Variants in DDB1 observed in about 807,000 individuals in gnomAD.
DDB1 encodes the protein damage specific DNA binding protein 1.
DDB1 carries 18 observed loss-of-function variants against 133.1 expected under a neutral mutation model. The ratio of observed to expected loss-of-function variants is 0.14; its 90% CI spans 0.09 to 0.20. The LOEUF is 0.20. Among genes scored for constraint, DDB1 ranks in the 10% least tolerant of loss-of-function variants. The probability of loss-of-function intolerance (pLI) is 1.00; values close to 1 mark genes in which losing one functional copy is unlikely to be tolerated. For missense variants in DDB1, 828 were observed against 1,459.2 expected, an observed-to-expected ratio of 0.57 and a Z score of 7.05; for synonymous variants, 580 against 550.5, an observed-to-expected ratio of 1.05 and a Z score of -0.75.
intron 2 of DDB1, among the ~76,000 whole-genome samples, chr11:61,331,059 C>G (rs1024988851): frequency 6.6e-6 from 1 of 152,138 alleles, no homozygotes; most frequent in East Asian, 1.9e-4. Context: ...CTGAAAGGTG[C>G]CTTAAGTGGC....
intron 10 of DDB1, among the ~76,000 whole-genome samples, chr11:61,320,952 T>C (rs1181195271): frequency 6.6e-6 from 1 of 151,990 alleles, no homozygotes; most frequent in Non-Finnish European, 1.5e-5. Context: ...GGCACAATCA[T>C]GGCTCTCTAC....
chr11:61,306,069 C>T (rs1442310367), intron 21 of DDB1, among the ~76,000 whole-genome samples: 1 of 152,204 alleles, frequency 6.6e-6, no homozygotes, highest in East Asian at 1.9e-4. Flanking sequence ...GAATGACATA[C>T]ATCGCTCATA....
intron 8 of DDB1, 188 bp from the exon 9 acceptor site, chr11:61,322,600 A>C (rs757086005): frequency 1.3e-4 from 75 of 586,570 alleles, no homozygotes; most frequent in Non-Finnish European, 2.0e-4. Context: ...GTGACCCATT[A>C]ATCAGCCAAG....
chr11:61,314,568 TA>T, intron 12 of DDB1, 82 bp from the exon 13 acceptor site: 1 of 1,364,894 alleles, frequency 7.3e-7, no homozygotes. Flanking sequence ...AATGCAGCCC[TA>T]ATAGAGCCCT....
At chr11:61,318,113 T>C (rs556465534) in intron 10 of DDB1, among the ~76,000 whole-genome samples, 3 of 152,356 alleles carry the variant, frequency 2.0e-5, no homozygotes, top group South Asian at 2.1e-4. Flanking sequence ...CATGCACTAT[T>C]TGGCACCTTG....
At chr11:61,301,076 A>AT (rs1396556897) in intron 25 of DDB1, 144 bp from the exon 26 acceptor site, 38 of 1,238,536 alleles carry the variant, frequency 3.1e-5, no homozygotes, top group Non-Finnish European at 3.9e-5. Flanking sequence ...TTATTTGGAC[A>AT]TTTTTGGAAT....
chr11:61,311,960 A>C, intron 17 of DDB1, 29 bp downstream of exon 17: 1 of 1,613,754 alleles, frequency 6.2e-7, no homozygotes, highest in Non-Finnish European at 8.5e-7. Context: ...ACCAACCCCC[A>C]CTTCCCACTC....
Position 61,300,039 on chromosome 11 carries a change from G to A in DDB1, c.*97C>T, listed in dbSNP as rs1855765666. On this transcript the variant is annotated 3_prime_UTR_variant, in exon 27 of 27. Coordinates refer to ENST00000301764, the MANE Select transcript of DDB1 (RefSeq NM_001923.5). ...TCTGGGGGCAGCTGGCTTAGGGAAAGGCCTCCCATGGCCAAGAAGACGATG... is the reference window on the plus strand; with the variant it reads ...TCTGGGGGCAGCTGGCTTAGGGAAAAGCCTCCCATGGCCAAGAAGACGATG... 2 of 1,254,334 alleles carry A rather than the reference G, an allele frequency of 1.6e-6. No homozygotes were observed. The highest frequency in any genetic ancestry group is 4.7e-5 in the East Asian group (2 of 42,616). The allele number at this position is 1,254,334 out of a possible 1,614,324, so 77.7% of individuals were successfully genotyped here.
rs1322860256 is a variant in DDB1, at chr11:61,331,457, AAAAT to A, written c.210+82_210+85del. On this transcript the variant is annotated intron_variant, in intron 2 of 26. Coordinates refer to ENST00000301764, the MANE Select transcript of DDB1 (RefSeq NM_001923.5). ...ACACTGTGAGACCCCCGTCTCAAAG[AAAAT>A]AAATAAACAAACAAAAATAACATAA... 20 of 1,551,812 alleles carry A rather than the reference AAAAT, an allele frequency of 1.3e-5. 1 individual carries two copies. The highest frequency in any genetic ancestry group is 6.9e-5 in the African/African-American group (5 of 72,254).
intron 5 of DDB1, 167 bp from the exon 6 acceptor site, chr11:61,325,875 A>G (rs1196772949): frequency 2.9e-6 from 2 of 691,008 alleles, no homozygotes; most frequent in African/African-American, 3.5e-5. Flanking sequence ...AGACTCTTAG[A>G]ATTTGTTAAC....
chr11:61,300,067 G>A lies in DDB1; in HGVS notation c.*69C>T. ...CTCCCATGGCCAAGAAGACGATGGT[G>A]GAGAGGAGGGGGAGGGCAGCAGGGC... On this transcript the variant is annotated 3_prime_UTR_variant, in exon 27 of 27. Coordinates refer to ENST00000301764, the MANE Select transcript of DDB1 (RefSeq NM_001923.5). 1.3e-6 allele frequency: 2 copies of A among 1,509,818 alleles called. No homozygotes were observed. Among genetic ancestry groups the A allele is most frequent in the South Asian group, 1.1e-5 (1 of 88,674 alleles). 93.5% of individuals were successfully genotyped at this position (1,509,818 alleles called of 1,614,324 possible). A position where few individuals can be genotyped will look rare whatever the true frequency, so the allele number is the denominator to read the frequency against.
At chr11:61,312,531 C>CA in intron 16 of DDB1, among the ~76,000 whole-genome samples, 1 of 133,052 alleles carries the variant, frequency 7.5e-6, no homozygotes, top group Non-Finnish European at 1.6e-5. Context: ...TTTTTTGAGA[C>CA]AGAGTCTCAG....
At chr11:61,308,776 AAACACATGG>A (rs1345311580) in intron 21 of DDB1, among the ~76,000 whole-genome samples, 198 bp downstream of exon 21, 5 of 152,188 alleles carry the variant, frequency 3.3e-5, no homozygotes, top group African/African-American at 1.2e-4. Context: ...TCAGGATCTG[AAACACATGG>A]GGGTTCACGT....
intron 18 of DDB1, among the ~76,000 whole-genome samples, chr11:61,311,520 CA>C (rs751505994): frequency 5.9e-5 from 9 of 152,010 alleles, no homozygotes; most frequent in Non-Finnish European, 1.3e-4. Context: ...TCTATTCGAC[CA>C]CTCTACAAAG....
intron 12 of DDB1, chr11:61,316,048 A>G: frequency 2.3e-6 from 1 of 432,500 alleles, no homozygotes. Flanking sequence ...GAGTCTATAA[A>G]AGAAAATGTA....
intron 4 of DDB1, 54 bp from the exon 5 acceptor site, chr11:61,326,947 G>T: frequency 7.4e-7 from 1 of 1,350,100 alleles, no homozygotes; most frequent in Non-Finnish European, 1.1e-6. Flanking sequence ...CCTTGGGCTA[G>T]AGAGAGGTGC....
rs938732097 is a variant in DDB1 at position 61,316,675 on chromosome 11, A to G, written c.1226-108T>C. ...AGTGGCTCATGCCTATAATCTCAAC[A>G]CTTGGGAAGGCAGAGGCAGGAGGAC... is the stretch of plus-strand genomic sequence containing the variant. On this transcript the variant is annotated intron_variant, in intron 10 of 26. Coordinates refer to ENST00000301764, the MANE Select transcript of DDB1 (RefSeq NM_001923.5). 5.0e-6 allele frequency: 6 copies of G among 1,188,490 alleles called. No homozygotes were observed. The African/African-American group carries it at 7.5e-5, about 15-fold the overall frequency. The allele number at this position is 1,188,490 out of a possible 1,614,324, so 73.6% of individuals were successfully genotyped here.
At chr11:61,309,698 T>C in intron 20 of DDB1, 98 bp downstream of exon 20, 2 of 1,340,638 alleles carry the variant, frequency 1.5e-6, no homozygotes, top group East Asian at 2.3e-5. Context: ...ACCCAACTTC[T>C]TCTACTGCTT....
Position 61,329,564 on chromosome 11 carries a change from T to C in DDB1, c.348A>G (p.Ser116=). 2 of 1,613,450 alleles carry C rather than the reference T, an allele frequency of 1.2e-6. No individual in the cohort carries two copies. Among genetic ancestry groups the C allele is most frequent in the Non-Finnish European group, 1.7e-6 (2 of 1,179,660 alleles). ...CAATGATGCCAATAATGCCGGTCTC[T>C]GAGGGGCGGCCAATGCGGTCCTGAG... ...GNVQDRIGRP[S]ETGIIGIIDP... is the part of the protein sequence containing the mutation. The change falls in exon 4 of 27, where the codon TCA becomes TCG. Residue 116 remains serine (S), a synonymous_variant. Coordinates refer to ENST00000301764, the MANE Select transcript of DDB1 (RefSeq NM_001923.5).
Sources: allele counts gnomAD v4.1 joint callset (sites outside exome capture counted in the v4.1 genomes callset), GRCh38; gene constraint gnomAD v4.1.1; transcripts MANE v1.5; gene names NCBI Gene and HGNC (gene_info 2026-07-23, HGNC 2026-07-21).